Variants in TANC1 observed in about 807,000 individuals in gnomAD.
The protein encoded by TANC1 is tetratricopeptide repeat, ankyrin repeat and coiled-coil containing 1.
In TANC1, 77 loss-of-function variants were observed where a neutral mutation model predicts 149.7. The observed-to-expected ratio is 0.51, with a 90% CI of 0.43 to 0.62. The LOEUF is 0.62. Among genes scored for constraint, TANC1 ranks in the 20% least tolerant of loss-of-function variants. The probability of loss-of-function intolerance (pLI) is 0.00; values close to 1 mark genes in which losing one functional copy is unlikely to be tolerated. For missense variants in TANC1, 1,985 were observed against 2,321.8 expected, an observed-to-expected ratio of 0.85 and a Z score of 2.98; for synonymous variants, 854 against 925.0, an observed-to-expected ratio of 0.92 and a Z score of 1.39.
At chr2:159,163,590 A>C (rs542443579) in intron 8 of TANC1, 44 bp downstream of exon 8, 31 of 1,585,390 alleles carry the variant, frequency 2.0e-5, no homozygotes, top group Non-Finnish European at 2.6e-5. Context: ...CAGGGATACC[A>C]AGGTGCCCTG....
chr2:159,170,487 T>A, intron 9 of TANC1, 37 bp from the exon 10 acceptor site: 1 of 1,547,960 alleles, frequency 6.5e-7, no homozygotes, highest in Admixed American at 2.0e-5. Context: ...TATAAAATTA[T>A]GACATTTTTC....
intron 2 of TANC1, among the ~76,000 whole-genome samples, chr2:159,025,657 T>A (rs1163700498): frequency 1.3e-5 from 2 of 152,100 alleles, no homozygotes; most frequent in Admixed American, 6.5e-5. Context: ...GCACAGTAAG[T>A]TTTTCAGGGA....
At position 159,179,126 on chromosome 2, in the gene TANC1, G is replaced by A. The variant is rs1478763594; in HGVS notation, c.2473G>A (p.Ala825Thr). ...CTTCAGGGAGTGGCTTGTATGGAGA[G>A]CAGACGGGGAAAACACGGCCTTCCT... is the stretch of plus-strand genomic sequence containing the variant. ...PSFREWLVWR[A>T]DGENTAFLCE... The change falls in exon 14 of 27, where the codon GCA (alanine) becomes ACA (threonine). Residue 825 changes from alanine (A) to threonine (T), a missense_variant. Physicochemically the swap from Ala to Thr is moderately conservative, Grantham distance 58 (BLOSUM62 0). Around this residue, in one of 3 missense-constraint regions of TANC1, gnomAD observed 508 missense variants for 714.2 expected, o/e 0.71. Coordinates refer to ENST00000263635, the MANE Select transcript of TANC1 (RefSeq NM_033394.3). 1 of 1,613,300 alleles carries A rather than the reference G, an allele frequency of 6.2e-7. No individual in the cohort carries two copies. Among genetic ancestry groups the A allele is most frequent in the Non-Finnish European group, 8.5e-7 (1 of 1,179,832 alleles).
intron 2 of TANC1, among the ~76,000 whole-genome samples, chr2:159,063,611 T>C (rs1048878476): frequency 6.6e-6 from 1 of 152,240 alleles, no homozygotes; most frequent in Non-Finnish European, 1.5e-5. Context: ...GGTCGCAGTT[T>C]GAATAGCTTT....
At position 159,224,256 on chromosome 2, in the gene TANC1, G is replaced by A; in HGVS notation, c.3703G>A (p.Ala1235Thr). ...ETVLYLVEKGAVIEHVDHSGM... is the reference protein window; with the variant it reads ...ETVLYLVEKGTVIEHVDHSGM... ...GGTGCTGTACCTGGTGGAGAAGGGA[G>A]CCGTGATCGAGCATGTGGACCACAG... The change falls in exon 23 of 27, where the codon GCC becomes ACC. Residue 1235 changes from alanine (A) to threonine (T), a missense_variant. By Grantham distance (58) the Ala-to-Thr change is moderately conservative. Around this residue, in one of 3 missense-constraint regions of TANC1, gnomAD observed 920 missense variants for 994.7 expected, o/e 0.92. Coordinates refer to ENST00000263635, the MANE Select transcript of TANC1 (RefSeq NM_033394.3). The A allele has an allele frequency of 6.2e-7, 1 of 1,614,188 alleles. No homozygotes were observed.
chr2:159,031,109 T>A (rs1574230039), intron 2 of TANC1, among the ~76,000 whole-genome samples: 1 of 152,134 alleles, frequency 6.6e-6, no homozygotes, highest in Non-Finnish European at 1.5e-5. Context: ...AGGCTCCTTA[T>A]CAGAACTGAG....
At chr2:159,034,274 A>T (rs2040008440) in intron 2 of TANC1, among the ~76,000 whole-genome samples, 1 of 152,070 alleles carries the variant, frequency 6.6e-6, no homozygotes, top group Middle Eastern at 3.2e-3. Flanking sequence ...ACAAATCGTT[A>T]TTCACTCCAA....
At chr2:158,970,441 A>C (rs2032689949) in intron 1 of TANC1, among the ~76,000 whole-genome samples, 1 of 152,142 alleles carries the variant, frequency 6.6e-6, no homozygotes, top group Non-Finnish European at 1.5e-5. Flanking sequence ...GGAATGAAGG[A>C]GTTTATGAGC....
intron 1 of TANC1, among the ~76,000 whole-genome samples, chr2:158,990,442 A>T (rs1452181240): frequency 6.6e-6 from 1 of 152,154 alleles, no homozygotes; most frequent in African/African-American, 2.4e-5. Flanking sequence ...TGACACATGA[A>T]TTCATCCTGA....
chr2:159,046,589 C>CTT (rs57208685), intron 2 of TANC1, among the ~76,000 whole-genome samples: 2,465 of 84,106 alleles, frequency 0.029, 397 homozygotes, highest in Non-Finnish European at 0.042. Context: ...CTTTTCTTTA[C>CTT]TTTTTTTTTT....
intron 3 of TANC1, among the ~76,000 whole-genome samples, chr2:159,082,878 T>G (rs2044423325): frequency 6.6e-6 from 1 of 152,212 alleles, no homozygotes; most frequent in Non-Finnish European, 1.5e-5. Flanking sequence ...TAGGCCCTTG[T>G]GACTCAAATT....
At chr2:158,976,454 A>G (rs973462075) in intron 1 of TANC1, among the ~76,000 whole-genome samples, 3 of 152,236 alleles carry the variant, frequency 2.0e-5, no homozygotes, top group Non-Finnish European at 4.4e-5. Context: ...CCCCCAGAAA[A>G]TGGGCGAGTG....
intron 3 of TANC1, among the ~76,000 whole-genome samples, chr2:159,077,343 A>G (rs1376657073): frequency 6.6e-6 from 1 of 152,234 alleles, no homozygotes; most frequent in Non-Finnish European, 1.5e-5. Context: ...AAAGCCATTC[A>G]AACTCCATAA....
chr2:159,206,182 G>A (rs960028293), intron 19 of TANC1, among the ~76,000 whole-genome samples: 3 of 152,200 alleles, frequency 2.0e-5, no homozygotes, highest in African/African-American at 7.2e-5. Flanking sequence ...AGCAAGATGG[G>A]GTGGGGTGAC....
At chr2:159,183,896 G>A (rs992857960) in intron 14 of TANC1, among the ~76,000 whole-genome samples, 35 of 152,242 alleles carry the variant, frequency 2.3e-4, no homozygotes, top group East Asian at 5.8e-4. Context: ...TATCGTTTGC[G>A]TGTCCCCTCC....
Position 159,093,254 on chromosome 2 carries a change from A to G in TANC1, c.62-4383A>G, listed in dbSNP as rs6724551. ...TCACTTAATCAAGGTGGGGAATAAAATAGGTCATAGTTAAAAGAAAACAGT... is the reference window on the plus strand; with the variant it reads ...TCACTTAATCAAGGTGGGGAATAAAGTAGGTCATAGTTAAAAGAAAACAGT... On this transcript the variant is annotated intron_variant, in intron 3 of 26. Transcript: ENST00000263635. 2.3e-4 allele frequency among the ~76,000 whole-genome samples: 35 copies of G among 152,382 alleles called. 1 individual carries two copies. Among genetic ancestry groups the G allele is most frequent in the South Asian group, 1.0e-3 (5 of 4,832 alleles).
intron 2 of TANC1, among the ~76,000 whole-genome samples, chr2:159,005,893 C>CA (rs1553516287): frequency 1.3e-5 from 2 of 151,628 alleles, no homozygotes; most frequent in African/African-American, 2.4e-5. Context: ...AAGTAAAGGC[C>CA]AAAAAATTTT....
At chr2:159,055,264 A>G (rs1173115337) in intron 2 of TANC1, among the ~76,000 whole-genome samples, 1 of 152,248 alleles carries the variant, frequency 6.6e-6, no homozygotes, top group Non-Finnish European at 1.5e-5. Flanking sequence ...CCACGATCAG[A>G]CTGTGGTTCA....
intron 2 of TANC1, among the ~76,000 whole-genome samples, chr2:159,032,202 A>G (rs2039837488): frequency 6.6e-6 from 1 of 152,222 alleles, no homozygotes; most frequent in Admixed American, 6.5e-5. Context: ...AGATACCGTA[A>G]GAAAAGATGG....
Sources: gnomAD v4.1 joint callset for allele counts (sites outside exome capture counted in the v4.1 genomes callset) on GRCh38, gnomAD v4.1.1 for gene constraint, gnomAD v4.1.1 regional missense constraint, MANE v1.5 for transcripts, NCBI Gene and HGNC (gene_info 2026-07-23, HGNC 2026-07-21) for gene names.